The following AZIN2 variants were observed in gnomAD, a reference collection of about 807,000 sequenced individuals.
AZIN2 encodes antizyme inhibitor 2, also known as ODC antizyme inhibitor-2.
A neutral mutation model predicts 47.8 loss-of-function variants in AZIN2; 28 were observed. The ratio of observed to expected loss-of-function variants is 0.59; its 90% CI spans 0.43 to 0.80. The LOEUF (loss-of-function observed/expected upper bound fraction) is 0.80, where lower values mean the gene tolerates loss of function less well. AZIN2 is among the 30% of genes least tolerant of loss of function. The pLI is 0.00. For missense variants in AZIN2, 535 were observed against 582.5 expected, an observed-to-expected ratio of 0.92 and a Z score of 0.84; for synonymous variants, 221 against 239.4, an observed-to-expected ratio of 0.92 and a Z score of 0.71.
At chr1:33,147,562 C>T in the AZIN2 span, 1 of 1,614,102 alleles carries the variant, frequency 6.2e-7, no homozygotes, top group Admixed American at 1.7e-5. This position sits in a 1 kb window ranked among gnomAD's most constrained non-coding sequence, Gnocchi z 8.1. Context: ...GTGGACGCCA[C>T]TACTGAAGGC....
At chr1:33,086,699 C>G (rs1488670243) in intron 5 of AZIN2, among the ~76,000 whole-genome samples, 1 of 152,212 alleles carries the variant, frequency 6.6e-6, no homozygotes, top group Non-Finnish European at 1.5e-5. Flanking sequence ...TACCCAGCCA[C>G]CTGCCCGAGG....
the AZIN2 span, chr1:33,142,856 C>T: frequency 6.6e-6 from 1 of 152,066 alleles, no homozygotes; most frequent in Admixed American, 6.6e-5. Flanking sequence ...CGAGTACTGG[C>T]TGTGGGTCCT....
At chr1:33,097,235 A>G (rs1643250334) in intron 9 of AZIN2, among the ~76,000 whole-genome samples, 1 of 152,194 alleles carries the variant, frequency 6.6e-6, no homozygotes, top group African/African-American at 2.4e-5. Flanking sequence ...TCCAAAATAC[A>G]GGCTCCTACT....
At chr1:33,124,453 T>C (rs1644843105), downstream of AZIN2, among the ~76,000 whole-genome samples, 1 of 152,114 alleles carries the variant, frequency 6.6e-6, no homozygotes, top group Non-Finnish European at 1.5e-5. The surrounding 1 kb of genome is among the most constrained non-coding windows in gnomAD (Gnocchi z 4.6). Context: ...GAGGAGACCT[T>C]CAGGGCTGGT....
chr1:33,112,354 C>G (rs1644325025), intron 10 of AZIN2, among the ~76,000 whole-genome samples: 1 of 152,104 alleles, frequency 6.6e-6, no homozygotes, highest in Non-Finnish European at 1.5e-5. Context: ...TGGAAATGAC[C>G]TTAATGTTTA....
the AZIN2 span, among the ~76,000 whole-genome samples, chr1:33,145,133 C>T: frequency 4.6e-5 from 7 of 152,178 alleles, no homozygotes; most frequent in Non-Finnish European, 7.3e-5. Flanking sequence ...AGACTACCAC[C>T]ACCTCTCCTC....
chr1:33,161,631 C>T, the AZIN2 span, among the ~76,000 whole-genome samples: 3 of 152,126 alleles, frequency 2.0e-5, no homozygotes, highest in African/African-American at 4.8e-5. This position sits in a 1 kb window ranked among gnomAD's most constrained non-coding sequence, Gnocchi z 4.3. Context: ...GCCAGGCTGC[C>T]GTGGCCTTCC....
At chr1:33,092,284 G>T in intron 6 of AZIN2, 62 bp downstream of exon 6, 1 of 1,541,342 alleles carries the variant, frequency 6.5e-7, no homozygotes, top group South Asian at 1.2e-5. Flanking sequence ...TGGGGAGCCT[G>T]GGCTGTGGGG....
downstream of AZIN2, among the ~76,000 whole-genome samples, chr1:33,126,260 C>G (rs1284067376): frequency 6.6e-6 from 1 of 152,164 alleles, no homozygotes; most frequent in East Asian, 1.9e-4. Context: ...GTGTCTCTCT[C>G]CTTTCTCTTA....
At chr1:33,123,840 T>C (rs183985130), downstream of AZIN2, among the ~76,000 whole-genome samples, 72 of 152,238 alleles carry the variant, frequency 4.7e-4, no homozygotes, top group East Asian at 0.012. Context: ...CTACTAAAAA[T>C]ACAAAAAATT....
At chr1:33,153,239 C>T in the AZIN2 span, among the ~76,000 whole-genome samples, 1 of 152,200 alleles carries the variant, frequency 6.6e-6, no homozygotes, top group Non-Finnish European at 1.5e-5. Flanking sequence ...AGGAGCCAGA[C>T]TGACTTCACA....
the AZIN2 span, chr1:33,147,022 C>T: frequency 6.9e-6 from 5 of 726,374 alleles, no homozygotes; most frequent in Non-Finnish European, 9.1e-6. The surrounding 1 kb of genome is among the most constrained non-coding windows in gnomAD (Gnocchi z 8.1). Context: ...GTAGGGAATG[C>T]AACCTCCATT....
intron 10 of AZIN2, among the ~76,000 whole-genome samples, chr1:33,112,068 C>T (rs186100573): frequency 5.6e-4 from 85 of 152,122 alleles, no homozygotes; most frequent in Non-Finnish European, 9.4e-4. Context: ...AAAGTGAAAA[C>T]GAGATACCAT....
the AZIN2 span, chr1:33,146,565 G>C: frequency 6.3e-6 from 1 of 160,000 alleles, no homozygotes; most frequent in Non-Finnish European, 1.4e-5. Flanking sequence ...TCAACTACCA[G>C]GTGCCTTCCA....
At chr1:33,117,214 CCT>C (rs1438860304) in intron 10 of AZIN2, among the ~76,000 whole-genome samples, 1 of 152,148 alleles carries the variant, frequency 6.6e-6, no homozygotes, top group Non-Finnish European at 1.5e-5. Context: ...GCCAGGTCCC[CCT>C]GTGATTGTTG....
At chr1:33,109,845 A>G (rs1644209447) in intron 10 of AZIN2, among the ~76,000 whole-genome samples, 1 of 151,942 alleles carries the variant, frequency 6.6e-6, no homozygotes, top group South Asian at 2.1e-4. Context: ...TATTTTGTTT[A>G]TTAGTGTGTC....
chr1:33,148,149 A>G, the AZIN2 span, among the ~76,000 whole-genome samples: 14 of 152,288 alleles, frequency 9.2e-5, no homozygotes, highest in East Asian at 2.5e-3. Context: ...TGTCTTAACA[A>G]CAGCTGGGAT....
chr1:33,160,093 G>C, the AZIN2 span: 3 of 1,042,856 alleles, frequency 2.9e-6, no homozygotes, highest in Non-Finnish European at 4.1e-6. Flanking sequence ...GCAAAAGCAT[G>C]GTGGTAGGAA....
chr1:33,135,229 A>G, the AZIN2 span, among the ~76,000 whole-genome samples: 1 of 152,178 alleles, frequency 6.6e-6, no homozygotes, highest in African/African-American at 2.4e-5. Context: ...GCGAGGTTGC[A>G]GTGAGCTGAG....
Sources: allele counts gnomAD v4.1 joint callset (sites outside exome capture counted in the v4.1 genomes callset), GRCh38; gene constraint gnomAD v4.1.1; non-coding constraint Gnocchi (gnomAD v3.1); transcripts MANE v1.5; gene names NCBI Gene and HGNC (gene_info 2026-07-23, HGNC 2026-07-21).